The following UBXN7 variants were observed in gnomAD, a reference collection of about 807,000 sequenced individuals.
The protein encoded by UBXN7 is UBX domain-containing protein 7.
In UBXN7, 9 loss-of-function variants were observed where a neutral mutation model predicts 58.0. That is an observed-to-expected ratio of 0.16 (90% CI 0.09 to 0.27). The LOEUF is 0.27. Among genes scored for constraint, UBXN7 ranks in the 10% least tolerant of loss-of-function variants. The pLI is 1.00. For missense variants in UBXN7, 328 were observed against 599.6 expected (o/e 0.55, Z 4.73); for synonymous variants, 208 against 205.0 (o/e 1.01, Z -0.12).
chr3:196,415,320 AT>A (rs1730448272), intron 1 of UBXN7, among the ~76,000 whole-genome samples: 1 of 150,918 alleles, frequency 6.6e-6, no homozygotes, highest in Non-Finnish European at 1.5e-5. Flanking sequence ...CTCCCAGCTA[AT>A]TTTTGTATTT....
intron 5 of UBXN7, among the ~76,000 whole-genome samples, chr3:196,386,358 C>T (rs1729396043): frequency 7.7e-6 from 1 of 129,296 alleles, no homozygotes. Context: ...CCGAGAAACA[C>T]CCAAGAATGA....
At chr3:196,388,054 C>G (rs1197901281) in intron 5 of UBXN7, among the ~76,000 whole-genome samples, 1 of 151,942 alleles carries the variant, frequency 6.6e-6, no homozygotes, top group Non-Finnish European at 1.5e-5. Flanking sequence ...AAATGTCCAT[C>G]AATGATAGAC....
intron 6 of UBXN7, among the ~76,000 whole-genome samples, chr3:196,369,890 T>G (rs1728769584): frequency 6.6e-6 from 1 of 152,080 alleles, no homozygotes; most frequent in African/African-American, 2.4e-5. Flanking sequence ...CCCAGCACTT[T>G]AGGAGGCCGA....
chr3:196,357,163 G>A (rs78468020), intron 10 of UBXN7, among the ~76,000 whole-genome samples: 135 of 152,202 alleles, frequency 8.9e-4, no homozygotes, highest in African/African-American at 2.9e-3. Context: ...CATTTTATCC[G>A]TTTTCCTTTC....
At chr3:196,432,302 A>T (rs766975011) in intron 1 of UBXN7, 25 bp downstream of exon 1, 54 of 1,612,606 alleles carry the variant, frequency 3.3e-5, no homozygotes, top group Non-Finnish European at 4.4e-5. Context: ...CCCACTCTCC[A>T]CCTTCCGGTA....
intron 10 of UBXN7, among the ~76,000 whole-genome samples, chr3:196,360,553 A>G (rs998038594): frequency 6.6e-6 from 1 of 152,202 alleles, no homozygotes; most frequent in African/African-American, 2.4e-5. Flanking sequence ...TTTTAAGCCC[A>G]CTGTTCAGAC....
Position 196,350,163 on chromosome 3 carries a change from G to A in UBXN7, c.*6522C>T, listed in dbSNP as rs958331166. ...CTTTTGAAAATACTTTCTCATTACAGGAATGCTAAATTATGTTTATTAAAG... is the reference window on the plus strand; with the variant it reads ...CTTTTGAAAATACTTTCTCATTACAAGAATGCTAAATTATGTTTATTAAAG... On this transcript the variant is annotated 3_prime_UTR_variant, in exon 11 of 11. Transcript: ENST00000296328. The A allele has an allele frequency of 6.6e-6, 1 of 152,192 alleles. No homozygotes were observed. Among genetic ancestry groups the A allele is most frequent in the African/African-American group, 2.4e-5 (1 of 41,442 alleles). 9.4% of individuals were successfully genotyped at this position (152,192 alleles called of 1,614,324 possible). A position where few individuals can be genotyped will look rare whatever the true frequency, so the allele number is the denominator to read the frequency against.
chr3:196,385,717 C>T (rs922592837), intron 5 of UBXN7, among the ~76,000 whole-genome samples: 3 of 149,750 alleles, frequency 2.0e-5, no homozygotes, highest in Admixed American at 2.0e-4. Flanking sequence ...AAGTGAGGAG[C>T]CCCTACGCCC....
chr3:196,432,017 GC>G, intron 1 of UBXN7: 6 of 529,740 alleles, frequency 1.1e-5, no homozygotes, highest in East Asian at 3.4e-5. Flanking sequence ...TACTCCTCCC[GC>G]CCCCGGGTCC....
At chr3:196,364,495 C>T (rs1441251329) in intron 8 of UBXN7, among the ~76,000 whole-genome samples, 2 of 152,026 alleles carry the variant, frequency 1.3e-5, no homozygotes, top group Middle Eastern at 3.4e-3. Context: ...AGAAGACTGG[C>T]CATCTGCTGA....
At chr3:196,420,745 G>A (rs1328982934) in intron 1 of UBXN7, among the ~76,000 whole-genome samples, 3 of 151,842 alleles carry the variant, frequency 2.0e-5, no homozygotes, top group Admixed American at 1.3e-4. Flanking sequence ...GGCACCAAAC[G>A]GCCTTCCTTA....
chr3:196,415,200 T>G (rs1337786968), intron 1 of UBXN7, among the ~76,000 whole-genome samples: 1 of 149,830 alleles, frequency 6.7e-6, no homozygotes, highest in Non-Finnish European at 1.5e-5. Context: ...GTTGCCAGGC[T>G]GAAAAGCAGT....
chr3:196,367,098 G>T (rs547748407), intron 8 of UBXN7, among the ~76,000 whole-genome samples: 1 of 151,732 alleles, frequency 6.6e-6, no homozygotes, highest in African/African-American at 2.4e-5. Flanking sequence ...CAGGAGAATC[G>T]CTTGAACCCA....
At chr3:196,369,283 A>C in intron 7 of UBXN7, 138 bp downstream of exon 7, 1 of 686,760 alleles carries the variant, frequency 1.5e-6, no homozygotes, top group Non-Finnish European at 2.5e-6. Context: ...TTAAATAATT[A>C]TAAAGGGAAA....
At chr3:196,389,720 G>A (rs1177517966) in intron 5 of UBXN7, among the ~76,000 whole-genome samples, 1 of 152,150 alleles carries the variant, frequency 6.6e-6, no homozygotes, top group Non-Finnish European at 1.5e-5. Flanking sequence ...CTGTAGAAAC[G>A]TTGAGTCAAA....
At chr3:196,424,199 T>C (rs945272091) in intron 1 of UBXN7, among the ~76,000 whole-genome samples, 1 of 151,962 alleles carries the variant, frequency 6.6e-6, no homozygotes, top group Non-Finnish European at 1.5e-5. Flanking sequence ...CCACTCCTGA[T>C]GCTTTAAGTG....
chr3:196,385,948 T>G (rs1001018525), intron 5 of UBXN7, among the ~76,000 whole-genome samples: 1 of 152,068 alleles, frequency 6.6e-6, no homozygotes, highest in Non-Finnish European at 1.5e-5. Flanking sequence ...GGGGGAAATG[T>G]AGGGAAAGGA....
chr3:196,413,969 GTC>G (rs1232852099), intron 1 of UBXN7, among the ~76,000 whole-genome samples: 1 of 152,102 alleles, frequency 6.6e-6, no homozygotes, highest in Admixed American at 6.6e-5. Flanking sequence ...AAACAGAAAA[GTC>G]TCTACGTGTT....
At chr3:196,421,501 G>A (rs1477331137) in intron 1 of UBXN7, among the ~76,000 whole-genome samples, 1 of 152,208 alleles carries the variant, frequency 6.6e-6, no homozygotes, top group Non-Finnish European at 1.5e-5. Flanking sequence ...GCCGGGTGTG[G>A]TGGCTCATGC....
Sources: gnomAD v4.1 joint callset for allele counts (sites outside exome capture counted in the v4.1 genomes callset) on GRCh38, gnomAD v4.1.1 for gene constraint, MANE v1.5 for transcripts, NCBI Gene and HGNC (gene_info 2026-07-23, HGNC 2026-07-21) for gene names.